Variants in PAPSS2 observed in about 807,000 individuals in gnomAD.
The protein encoded by PAPSS2 is 3'-phosphoadenosine 5'-phosphosulfate synthase 2.
Under a neutral mutation model 66.5 loss-of-function variants are expected in PAPSS2, and 61 were observed. The observed-to-expected ratio is 0.92, with a 90% CI of 0.75 to 1.14. The LOEUF (loss-of-function observed/expected upper bound fraction) is 1.14, where lower values mean the gene tolerates loss of function less well. Ranked by LOEUF, PAPSS2 falls within the 50% of genes most tolerant of loss-of-function variation. PAPSS2 has a pLI of 0.00. For missense variants in PAPSS2, 708 were observed against 789.6 expected, an observed-to-expected ratio of 0.90 and a Z score of 1.24; for synonymous variants, 289 against 287.5, an observed-to-expected ratio of 1.01 and a Z score of -0.05.
At position 87,703,812 on chromosome 10, in the gene PAPSS2, C is replaced by T. The variant is rs1489199266; in HGVS notation, c.28-5384C>T. 7.7e-6 allele frequency: 4 copies of T among 518,396 alleles called. 1 individual carries two copies. Among genetic ancestry groups the T allele is most frequent in the South Asian group, 5.6e-5 (4 of 71,412 alleles). 32.1% of individuals were successfully genotyped at this position (518,396 alleles called of 1,614,324 possible). On this transcript the variant is annotated intron_variant, in intron 1 of 12. Transcript: ENST00000456849. The stretch of plus-strand genomic sequence containing the variant: ...CTTAGGGACCCAGTATAGAAGTATG[C>T]CACTAACTTTGGGGTTTCTGGACCA...
At chr10:87,712,647 G>A (rs1853476674) in intron 2 of PAPSS2, among the ~76,000 whole-genome samples, 1 of 152,018 alleles carries the variant, frequency 6.6e-6, no homozygotes, top group Non-Finnish European at 1.5e-5. Context: ...TGTAGATGCA[G>A]GGCCTCACTA....
intron 1 of PAPSS2, among the ~76,000 whole-genome samples, chr10:87,699,475 A>G (rs1853275517): frequency 6.6e-6 from 1 of 152,138 alleles, no homozygotes; most frequent in African/African-American, 2.4e-5. Context: ...TGTTCACTTG[A>G]TTTGGTTATT....
Position 87,713,079 on chromosome 10 carries a change from C to T in PAPSS2, c.150C>T (p.Leu50=), listed in dbSNP as rs776434633. 4.4e-6 allele frequency: 7 copies of T among 1,601,248 alleles called. No individual in the cohort carries two copies. The highest frequency in any genetic ancestry group is 6.0e-6 in the Non-Finnish European group (7 of 1,169,110). ...FRGCTVWLTG[L]SGAGKTTISF... ...TGTTTTATCTGTTCTGAACAGGTCT[C>T]TCTGGTGCTGGAAAAACAACGATAA... Residue 50 remains leucine (L), a synonymous_variant, in exon 3 of 13, where the codon CTC becomes CTT. Coordinates refer to ENST00000456849, the MANE Select transcript of PAPSS2 (RefSeq NM_001015880.2).
chr10:87,723,670 C>T (rs914950363), intron 8 of PAPSS2, among the ~76,000 whole-genome samples: 3 of 107,918 alleles, frequency 2.8e-5, no homozygotes, highest in African/African-American at 4.4e-5. Flanking sequence ...TGTTTATTGC[C>T]GGCAGTTGCT....
chr10:87,684,875 TC>T (rs1359569036), intron 1 of PAPSS2, among the ~76,000 whole-genome samples: 1 of 152,180 alleles, frequency 6.6e-6, no homozygotes, highest in East Asian at 1.9e-4. Flanking sequence ...CTCCCTACCC[TC>T]ACCCTTTTAT....
chr10:87,659,911 C>A lies in PAPSS2; in HGVS notation c.-71C>A. 1 of 1,509,762 alleles carries A rather than the reference C, an allele frequency of 6.6e-7. No homozygotes were observed. 93.5% of individuals were successfully genotyped at this position (1,509,762 alleles called of 1,614,324 possible). On this transcript the variant is annotated 5_prime_UTR_variant, in exon 1 of 13. Coordinates refer to ENST00000456849, the MANE Select transcript of PAPSS2 (RefSeq NM_001015880.2). ...CTGCTGCTGCTGCTGCTGCTGCCGC[C>A]GCCGCCGCCGCCGTCCCTGCGTCCT...
chr10:87,677,831 A>T lies in PAPSS2; in HGVS notation c.27+17823A>T, dbSNP rs189215906. Among the ~76,000 whole-genome samples the T allele has an allele frequency of 8.1e-4, 123 of 152,356 alleles. 1 individual carries two copies. Among genetic ancestry groups the T allele is most frequent in the Non-Finnish European group, 5.9e-4 (40 of 68,038 alleles). On this transcript the variant is annotated intron_variant, in intron 1 of 12. Coordinates refer to ENST00000456849, the MANE Select transcript of PAPSS2 (RefSeq NM_001015880.2). ...TACTTTGAACCACTCTCTAACTATG[A>T]TCATAGGTCAGTACCTGCCAGAGAA...
intron 1 of PAPSS2, among the ~76,000 whole-genome samples, chr10:87,694,020 GA>G (rs761090678): frequency 6.6e-6 from 1 of 152,210 alleles, no homozygotes; most frequent in Non-Finnish European, 1.5e-5. Flanking sequence ...ACAAATCAAC[GA>G]AACGTTTATT....
chr10:87,743,235 AC>A, intron 10 of PAPSS2, 137 bp from the exon 11 acceptor site: 1 of 895,752 alleles, frequency 1.1e-6, no homozygotes, highest in Non-Finnish European at 1.8e-6. Flanking sequence ...ACAGAGTGAG[AC>A]TCTTTCAAAA....
In PAPSS2 at chr10:87,743,419, T is replaced by C. The variant is rs1274252909; in HGVS notation, c.1269T>C (p.His423=). The C allele has an allele frequency of 1.2e-6, 2 of 1,613,684 alleles. No individual in the cohort carries two copies. Among genetic ancestry groups the C allele is most frequent in the East Asian group, 2.2e-5 (1 of 44,860 alleles). Residue 423 remains histidine, a synonymous_variant, in exon 11 of 13, where the codon CAT becomes CAC. Coordinates refer to ENST00000456849, the MANE Select transcript of PAPSS2 (RefSeq NM_001015880.2). ...TGCGCAATCCTGTCCACAATGGCCA[T>C]GCCCTGTTGATGCAGGACACTCGCC... ...FQLRNPVHNG[H]ALLMQDTRRR... is the part of the protein sequence containing the mutation.
In PAPSS2 at chr10:87,741,320, A is replaced by G. The variant is rs568741657; in HGVS notation, c.1172A>G (p.Tyr391Cys). The G allele has an allele frequency of 6.2e-7, 1 of 1,613,834 alleles. No homozygotes were observed. The highest frequency in any genetic ancestry group is 1.7e-5 in the Admixed American group (1 of 60,034). ...KIRWNDGLDQ[Y>C]RLTPLELKQK... ...AGATGGAATGATGGGCTGGACCAAT[A>G]CCGTCTGACACCTCTGGAGCTCAAA... Residue 391 changes from tyrosine (Y) to cysteine (C), a missense_variant, in exon 10 of 13, where the codon TAC becomes TGC. By Grantham distance (194) the Tyr-to-Cys change is radical (BLOSUM62 -2). Transcript: ENST00000456849.
At chr10:87,678,442 A>G (rs1375429133) in intron 1 of PAPSS2, among the ~76,000 whole-genome samples, 1 of 152,206 alleles carries the variant, frequency 6.6e-6, no homozygotes, top group East Asian at 1.9e-4. Flanking sequence ...AAAATAGACA[A>G]ATTGAACTAT....
intron 7 of PAPSS2, among the ~76,000 whole-genome samples, chr10:87,717,582 A>G (rs994003686): frequency 1.4e-4 from 21 of 152,190 alleles, no homozygotes; most frequent in African/African-American, 5.1e-4. Flanking sequence ...TATTTTTTAG[A>G]AATAGGGTCT....
intron 9 of PAPSS2, among the ~76,000 whole-genome samples, chr10:87,736,111 G>A (rs1478295080): frequency 6.6e-6 from 1 of 152,084 alleles, no homozygotes; most frequent in Non-Finnish European, 1.5e-5. Flanking sequence ...ACCATTACAT[G>A]TTTGACTGAG....
At chr10:87,683,232 G>C (rs1853046576) in intron 1 of PAPSS2, among the ~76,000 whole-genome samples, 1 of 151,350 alleles carries the variant, frequency 6.6e-6, no homozygotes, top group South Asian at 2.1e-4. Context: ...AGCTGGGACT[G>C]CAGGTGTGCA....
intron 1 of PAPSS2, among the ~76,000 whole-genome samples, chr10:87,701,673 C>T (rs1328462920): frequency 6.6e-6 from 1 of 152,102 alleles, no homozygotes. Context: ...GATTCTCTCA[C>T]CTTGACCTCT....
At chr10:87,695,271 T>C (rs1337594673) in intron 1 of PAPSS2, among the ~76,000 whole-genome samples, 1 of 152,234 alleles carries the variant, frequency 6.6e-6, no homozygotes, top group Non-Finnish European at 1.5e-5. Context: ...CAGGTGGCTC[T>C]GTGGGGCCTC....
At chr10:87,743,274 AT>A (rs1203506415) in intron 10 of PAPSS2, 98 bp from the exon 11 acceptor site, 1 of 1,291,878 alleles carries the variant, frequency 7.7e-7, no homozygotes, top group Non-Finnish European at 1.1e-6. Flanking sequence ...TGGATAATGA[AT>A]GCACAGAACA....
chr10:87,694,984 G>A (rs1433581102), intron 1 of PAPSS2, among the ~76,000 whole-genome samples: 4 of 152,222 alleles, frequency 2.6e-5, no homozygotes, highest in Non-Finnish European at 5.9e-5. Flanking sequence ...GCAATGGAGG[G>A]CAGGGTAGCT....
Sources: allele counts gnomAD v4.1 joint callset (sites outside exome capture counted in the v4.1 genomes callset), GRCh38; gene constraint gnomAD v4.1.1; transcripts MANE v1.5; gene names NCBI Gene and HGNC (gene_info 2026-07-23, HGNC 2026-07-21).